The following ZCCHC24 variants were observed in gnomAD, a reference collection of about 807,000 sequenced individuals.
The protein encoded by ZCCHC24 is zinc finger CCHC-type containing 24, also known as zinc finger CCHC domain-containing protein 24.
ZCCHC24 carries 10 observed loss-of-function variants against 26.2 expected under a neutral mutation model. That is an observed-to-expected ratio of 0.38 (90% CI 0.24 to 0.65). The LOEUF (loss-of-function observed/expected upper bound fraction) is 0.65. ZCCHC24 is among the 30% of genes least tolerant of loss of function. The pLI is 0.54. For synonymous variants in ZCCHC24, 144 were observed against 147.1 expected, an observed-to-expected ratio of 0.98 and a Z score of 0.15; for missense variants, 243 against 329.1, an observed-to-expected ratio of 0.74 and a Z score of 2.03.
intron 2 of ZCCHC24, among the ~76,000 whole-genome samples, chr10:79,421,789 G>A (rs937569026): frequency 1.8e-4 from 28 of 152,064 alleles, no homozygotes; most frequent in African/African-American, 6.3e-4. Flanking sequence ...ACCACACCTG[G>A]CTAATTTTTT....
chr10:79,382,920 C>G lies in ZCCHC24; in HGVS notation c.*3425G>C, dbSNP rs1490275775. ...CTGATTGAGAGCCCTCCCACCAAGC[C>G]AAGACGCTGGTGGACCACAGAGGGG... On this transcript the variant is annotated 3_prime_UTR_variant, in exon 4 of 4. Transcript: ENST00000372336. The G allele has an allele frequency of 6.6e-6, 1 of 152,586 alleles. No individual in the cohort carries two copies. The highest frequency in any genetic ancestry group is 6.5e-5 in the Admixed American group (1 of 15,286). 9.5% of individuals were successfully genotyped at this position (152,586 alleles called of 1,614,324 possible). A position where few individuals can be genotyped will look rare whatever the true frequency, so the allele number is the denominator to read the frequency against.
chr10:79,429,326 T>C (rs1467365289), intron 2 of ZCCHC24, among the ~76,000 whole-genome samples: 1 of 152,230 alleles, frequency 6.6e-6, no homozygotes, highest in Non-Finnish European at 1.5e-5. Context: ...CTCATGCCTG[T>C]AATCCCAGCA....
chr10:79,405,316 C>T (rs1442648438), intron 2 of ZCCHC24, among the ~76,000 whole-genome samples: 1 of 152,256 alleles, frequency 6.6e-6, no homozygotes, highest in African/African-American at 2.4e-5. Flanking sequence ...CCCTCCACAC[C>T]TCTCACTTCT....
At position 79,432,756 on chromosome 10, in the gene ZCCHC24, C is replaced by T. The variant is rs376304469; in HGVS notation, c.249G>A (p.Ala83=). ...NSFFQLQRGE[A]LSNSVYKGAS... is the part of the protein sequence containing the mutation. ...CGCCCTTGTACACACTGTTGCTCAG[C>T]GCCTGTGGGAGACAGAGGCACATAT... Residue 83 remains alanine (A), a splice_region_variant and synonymous_variant, in exon 2 of 4, where the codon GCG becomes GCA. Transcript: ENST00000372336. 197 of 1,606,994 alleles carry T rather than the reference C, an allele frequency of 1.2e-4. 1 individual carries two copies. The South Asian group carries it at 1.9e-3, about 15-fold the overall frequency.
At chr10:79,433,390 C>T (rs530738719) in intron 1 of ZCCHC24, among the ~76,000 whole-genome samples, 1 of 152,296 alleles carries the variant, frequency 6.6e-6, no homozygotes, top group South Asian at 2.1e-4. Context: ...CTCTGGAAGC[C>T]CAAGGAGGGA....
intron 3 of ZCCHC24, among the ~76,000 whole-genome samples, chr10:79,393,219 T>C (rs1856502396): frequency 6.6e-6 from 1 of 152,254 alleles, no homozygotes; most frequent in Non-Finnish European, 1.5e-5. Flanking sequence ...ACTTCTCACA[T>C]GAGCTTCAGA....
At chr10:79,444,147 C>A (rs1201522866) in intron 1 of ZCCHC24, 1 of 1,545,224 alleles carries the variant, frequency 6.5e-7, no homozygotes, top group Non-Finnish European at 8.7e-7. Context: ...TGTGTGTCCT[C>A]CCCCGAACAC....
rs1387156591 is a variant in ZCCHC24 at position 79,386,266 on chromosome 10, C to T, written c.*79G>A. 6.5e-6 allele frequency: 9 copies of T among 1,387,170 alleles called. No homozygotes were observed. The highest frequency in any genetic ancestry group is 9.1e-6 in the Non-Finnish European group (9 of 992,564). 85.9% of individuals were successfully genotyped at this position (1,387,170 alleles called of 1,614,324 possible). A position where few individuals can be genotyped will look rare whatever the true frequency, so the allele number is the denominator to read the frequency against. ...GGCACCCCATGCACAGGGCGACACG[C>T]AGCCCCTCGGAGTAGCACAGGGAAG... On this transcript the variant is annotated 3_prime_UTR_variant, in exon 4 of 4. Coordinates refer to ENST00000372336, the MANE Select transcript of ZCCHC24 (RefSeq NM_153367.4).
intron 3 of ZCCHC24, among the ~76,000 whole-genome samples, chr10:79,390,246 A>C (rs1046718232): frequency 1.3e-5 from 2 of 152,234 alleles, no homozygotes; most frequent in Non-Finnish European, 2.9e-5. Context: ...GACCTTTAGC[A>C]AATCACTTAA....
chr10:79,424,413 G>A (rs992606752), intron 2 of ZCCHC24, among the ~76,000 whole-genome samples: 2 of 152,202 alleles, frequency 1.3e-5, no homozygotes, highest in African/African-American at 2.4e-5. Flanking sequence ...GGCAGCCACC[G>A]TAAAGATCTG....
At chr10:79,388,719 A>C (rs1856432945) in intron 3 of ZCCHC24, among the ~76,000 whole-genome samples, 1 of 152,134 alleles carries the variant, frequency 6.6e-6, no homozygotes, top group Non-Finnish European at 1.5e-5. Context: ...CTCACTCCCC[A>C]TGGCTTACAC....
intron 1 of ZCCHC24, among the ~76,000 whole-genome samples, chr10:79,444,614 C>A: frequency 6.6e-6 from 1 of 152,272 alleles, no homozygotes; most frequent in South Asian, 2.1e-4. Flanking sequence ...GGAGGGCGAG[C>A]AGCTGGAGGA....
At chr10:79,431,343 T>C (rs966122174) in intron 2 of ZCCHC24, among the ~76,000 whole-genome samples, 2 of 152,218 alleles carry the variant, frequency 1.3e-5, no homozygotes, top group Non-Finnish European at 2.9e-5. Context: ...AATAGCCTCC[T>C]GCTTACTGTG....
chr10:79,424,845 T>C (rs1183888358), intron 2 of ZCCHC24, among the ~76,000 whole-genome samples: 1 of 152,132 alleles, frequency 6.6e-6, no homozygotes, highest in Admixed American at 6.6e-5. Flanking sequence ...TTGGAAGCCT[T>C]CCCCACTCCA....
intron 1 of ZCCHC24, among the ~76,000 whole-genome samples, chr10:79,439,620 C>A (rs7906077): frequency 6.6e-6 from 1 of 152,044 alleles, no homozygotes; most frequent in African/African-American, 2.4e-5. Context: ...AAGACCAATC[C>A]TTCAGACATG....
chr10:79,390,972 G>A (rs1054054178), intron 3 of ZCCHC24, among the ~76,000 whole-genome samples: 1 of 152,188 alleles, frequency 6.6e-6, no homozygotes, highest in African/African-American at 2.4e-5. Context: ...CTGGGGGATA[G>A]AGAGGCACCA....
chr10:79,427,617 T>TAAA (rs34777821), intron 2 of ZCCHC24, among the ~76,000 whole-genome samples: 1 of 147,554 alleles, frequency 6.8e-6, no homozygotes, highest in Non-Finnish European at 1.5e-5. Flanking sequence ...ACAAGGGAAA[T>TAAA]AAAAAAAAAA....
At chr10:79,419,878 G>C (rs1856914555) in intron 2 of ZCCHC24, among the ~76,000 whole-genome samples, 1 of 152,082 alleles carries the variant, frequency 6.6e-6, no homozygotes, top group Non-Finnish European at 1.5e-5. Context: ...CTGGGAAGGT[G>C]AGGCCATTGA....
At chr10:79,386,753 G>A (rs537461565) in intron 3 of ZCCHC24, among the ~76,000 whole-genome samples, 7 of 152,320 alleles carry the variant, frequency 4.6e-5, no homozygotes, top group African/African-American at 1.7e-4. Context: ...GGGCACACAG[G>A]TGGGGCCCTA....
Sources: gnomAD v4.1 joint callset for allele counts (sites outside exome capture counted in the v4.1 genomes callset) on GRCh38, gnomAD v4.1.1 for gene constraint, MANE v1.5 for transcripts, NCBI Gene and HGNC (gene_info 2026-07-23, HGNC 2026-07-21) for gene names.